Variants in CRISP1 observed in about 807,000 individuals in gnomAD.
CRISP1 encodes cysteine-rich secretory protein 1.
Under a neutral mutation model 33.1 loss-of-function variants are expected in CRISP1, and 44 were observed. The ratio of observed to expected loss-of-function variants is 1.33; its 90% CI spans 1.05 to 1.71. CRISP1 has a LOEUF of 1.71. Among genes scored for constraint, CRISP1 ranks in the 40% most tolerant of loss-of-function variants. CRISP1 has a pLI of 0.00. For missense variants in CRISP1, 390 were observed against 301.2 expected, an observed-to-expected ratio of 1.29 and a Z score of -2.18; for synonymous variants, 103 against 98.7, an observed-to-expected ratio of 1.04 and a Z score of -0.26.
At chr6:49,871,820 T>C (rs1451765965) in intron 1 of CRISP1, among the ~76,000 whole-genome samples, 1 of 152,138 alleles carries the variant, frequency 6.6e-6, no homozygotes, top group Admixed American at 6.6e-5. Context: ...TTGGGTTGCT[T>C]CCAAGTCTTT....
intron 2 of CRISP1, among the ~76,000 whole-genome samples, chr6:49,856,300 C>T (rs1288784107): frequency 6.6e-6 from 1 of 152,162 alleles, no homozygotes; most frequent in African/African-American, 2.4e-5. Context: ...TTGCCCTTTT[C>T]CCATTCCTCT....
At chr6:49,851,901 TA>T in intron 3 of CRISP1, 99 bp downstream of exon 3, 1 of 1,367,560 alleles carries the variant, frequency 7.3e-7, no homozygotes. Context: ...GTTGTGAAGA[TA>T]AAACTTTTAG....
At chr6:49,854,145 G>T (rs898167690) in intron 2 of CRISP1, among the ~76,000 whole-genome samples, 5 of 152,122 alleles carry the variant, frequency 3.3e-5, no homozygotes, top group African/African-American at 1.2e-4. Flanking sequence ...CACCCAGTCT[G>T]TCAATCTACC....
At chr6:49,846,430 G>T in intron 5 of CRISP1, 90 bp downstream of exon 5, 1 of 1,313,934 alleles carries the variant, frequency 7.6e-7, no homozygotes, top group Non-Finnish European at 1.1e-6. Context: ...CCATAAGAAG[G>T]TAGAATGATT....
At chr6:49,861,156 C>T (rs185521175) in intron 1 of CRISP1, among the ~76,000 whole-genome samples, 52 of 152,108 alleles carry the variant, frequency 3.4e-4, no homozygotes, top group Admixed American at 2.5e-3. Flanking sequence ...TGAATTCTAC[C>T]GAATCTTCAA....
At chr6:49,841,200 G>A (rs754722013) in intron 5 of CRISP1, among the ~76,000 whole-genome samples, 8 of 152,120 alleles carry the variant, frequency 5.3e-5, no homozygotes, top group Admixed American at 2.0e-4. Context: ...TGCACACAAT[G>A]GAAACCAGGT....
chr6:49,849,769 T>C (rs1771293164), intron 3 of CRISP1, among the ~76,000 whole-genome samples: 1 of 152,060 alleles, frequency 6.6e-6, no homozygotes, highest in South Asian at 2.1e-4. Flanking sequence ...GTGGTCAATG[T>C]TTAGAATTAC....
intron 1 of CRISP1, among the ~76,000 whole-genome samples, chr6:49,875,733 G>A (rs1772021472): frequency 6.6e-6 from 1 of 152,106 alleles, no homozygotes; most frequent in Middle Eastern, 3.2e-3. Context: ...AGAGAACTCA[G>A]AAATAAGACC....
chr6:49,872,302 C>T (rs996639625), intron 1 of CRISP1, among the ~76,000 whole-genome samples: 14 of 151,696 alleles, frequency 9.2e-5, no homozygotes, highest in Non-Finnish European at 2.1e-4. Context: ...GGATATTAGC[C>T]CTTTGTCAGA....
intron 7 of CRISP1, 134 bp downstream of exon 7, chr6:49,838,303 A>G (rs914509831): frequency 4.5e-6 from 3 of 673,902 alleles, no homozygotes; most frequent in Non-Finnish European, 7.6e-6. Flanking sequence ...GGGAGGGGTA[A>G]GCAGAAATAA....
At chr6:49,871,770 G>A (rs1039120161) in intron 1 of CRISP1, among the ~76,000 whole-genome samples, 8 of 152,006 alleles carry the variant, frequency 5.3e-5, no homozygotes, top group African/African-American at 1.5e-4. Flanking sequence ...TGGTGTATAT[G>A]TGCCACATTT....
intron 2 of CRISP1, among the ~76,000 whole-genome samples, chr6:49,852,800 A>G (rs1311546618): frequency 1.3e-5 from 2 of 152,102 alleles, no homozygotes; most frequent in African/African-American, 4.8e-5. Flanking sequence ...AGAAAAATAC[A>G]TGACCAAAGT....
intron 1 of CRISP1, among the ~76,000 whole-genome samples, chr6:49,859,717 C>CA (rs1209946885): frequency 6.6e-6 from 1 of 151,822 alleles, no homozygotes; most frequent in Non-Finnish European, 1.5e-5. Flanking sequence ...AAAAAGGAAA[C>CA]AAAAAATATG....
chr6:49,837,701 G>A (rs1770845904), intron 7 of CRISP1, among the ~76,000 whole-genome samples: 1 of 151,956 alleles, frequency 6.6e-6, no homozygotes. Context: ...GGAGGTCACA[G>A]GATATTTTTC....
chr6:49,865,222 T>G (rs1771769038), intron 1 of CRISP1, among the ~76,000 whole-genome samples: 1 of 152,174 alleles, frequency 6.6e-6, no homozygotes, highest in African/African-American at 2.4e-5. Context: ...TGACAAAGTC[T>G]CAAATGCAAT....
intron 5 of CRISP1, among the ~76,000 whole-genome samples, chr6:49,841,314 C>A (rs1482671581): frequency 6.6e-6 from 1 of 152,092 alleles, no homozygotes; most frequent in African/African-American, 2.4e-5. Context: ...GATGTAATTT[C>A]TAATTTTAAC....
rs139194307 is a variant in CRISP1, at chr6:49,846,554, G to A, written c.401C>T (p.Thr134Met). ...GTGGTCAGTAGTTATGTCATCATCC[G>A]TTGTTGTCCATTCTCCATGTTTGAA... is the stretch of plus-strand genomic sequence containing the variant. ...TSFKHGEWTTTDDDITTDHYT... is the reference protein window; with the variant it reads ...TSFKHGEWTTMDDDITTDHYT... The change falls in exon 5 of 8, where the codon ACG becomes ATG. Residue 134 changes from threonine (T) to methionine (M), a missense_variant. By Grantham distance (81) the Thr-to-Met change is moderately conservative. Coordinates refer to ENST00000335847, the MANE Select transcript of CRISP1 (RefSeq NM_001131.3). The A allele has an allele frequency of 1.1e-4, 177 of 1,613,432 alleles. No homozygotes were observed. The highest frequency in any genetic ancestry group is 7.7e-4 in the African/African-American group (58 of 74,960).
At chr6:49,843,547 A>C (rs1164479506) in intron 5 of CRISP1, among the ~76,000 whole-genome samples, 1 of 152,192 alleles carries the variant, frequency 6.6e-6, no homozygotes, top group East Asian at 1.9e-4. Context: ...CTGGCACTCT[A>C]ATCTTGGACT....
At chr6:49,842,050 ATGTT>A (rs1280066704) in intron 5 of CRISP1, among the ~76,000 whole-genome samples, 1 of 152,188 alleles carries the variant, frequency 6.6e-6, no homozygotes, top group Non-Finnish European at 1.5e-5. Context: ...ATTAGAGAAC[ATGTT>A]TGTATGACTC....
Sources: gnomAD v4.1 joint callset for allele counts (sites outside exome capture counted in the v4.1 genomes callset) on GRCh38, gnomAD v4.1.1 for gene constraint, MANE v1.5 for transcripts, NCBI Gene and HGNC (gene_info 2026-07-23, HGNC 2026-07-21) for gene names.